The following SEL1L2 variants were observed in gnomAD, a reference collection of about 807,000 sequenced individuals.
SEL1L2 encodes SEL1L2 adaptor subunit of SYVN1 ubiquitin ligase.
Under a neutral mutation model 98.8 loss-of-function variants are expected in SEL1L2, and 89 were observed. That is an observed-to-expected ratio of 0.90 (90% CI 0.76 to 1.07). The LOEUF is 1.07. Among genes scored for constraint, SEL1L2 ranks in the 50% least tolerant of loss-of-function variants. The probability of loss-of-function intolerance (pLI) is 0.00; values close to 1 mark genes in which losing one functional copy is unlikely to be tolerated. For synonymous variants in SEL1L2, 262 were observed against 278.5 expected (o/e 0.94, Z 0.59); for missense variants, 788 against 812.0 (o/e 0.97, Z 0.36).
intron 2 of SEL1L2, among the ~76,000 whole-genome samples, chr20:13,955,535 A>G (rs1391130165): frequency 6.6e-6 from 1 of 152,188 alleles, no homozygotes; most frequent in African/African-American, 2.4e-5. Context: ...CCACGAGGGC[A>G]AGACCATAGA....
intron 10 of SEL1L2, 59 bp downstream of exon 10, chr20:13,885,288 C>T: frequency 9.0e-7 from 1 of 1,105,684 alleles, no homozygotes. Context: ...ACTTCCCTGC[C>T]AGCCTCCCTC....
chr20:13,908,379 C>A (rs6033853), intron 5 of SEL1L2, among the ~76,000 whole-genome samples: 4,248 of 152,200 alleles, frequency 0.028, 114 homozygotes, highest in African/African-American at 0.071. Flanking sequence ...CTGCTTCAGC[C>A]TCCCAAAATG....
chr20:13,878,359 A>AGT (rs11472920), intron 10 of SEL1L2, among the ~76,000 whole-genome samples: 5,141 of 149,898 alleles, frequency 0.034, 173 homozygotes, highest in South Asian at 0.18. Flanking sequence ...GCTGGAGTGC[A>AGT]GTGGCACGAT....
intron 2 of SEL1L2, among the ~76,000 whole-genome samples, chr20:13,943,028 C>A (rs1216118290): frequency 6.6e-6 from 1 of 151,094 alleles, no homozygotes; most frequent in African/African-American, 2.4e-5. Flanking sequence ...GATGTAATAA[C>A]CACCCCTAAG....
At chr20:13,886,195 A>T (rs2046946359) in intron 9 of SEL1L2, 93 bp downstream of exon 9, 2 of 852,516 alleles carry the variant, frequency 2.3e-6, no homozygotes, top group African/African-American at 3.5e-5. Flanking sequence ...CCTATTTAGG[A>T]TGGGGCATTG....
intron 1 of SEL1L2, among the ~76,000 whole-genome samples, chr20:13,973,072 C>T (rs1352949757): frequency 6.6e-6 from 1 of 152,044 alleles, no homozygotes; most frequent in Non-Finnish European, 1.5e-5. Flanking sequence ...GTATCACCTC[C>T]CTGTCTGTTT....
intron 5 of SEL1L2, among the ~76,000 whole-genome samples, chr20:13,904,712 C>T (rs1272003931): frequency 6.6e-6 from 1 of 152,102 alleles, no homozygotes; most frequent in African/African-American, 2.4e-5. Context: ...GCTAAATTGG[C>T]TCTTTTTAAG....
intron 10 of SEL1L2, among the ~76,000 whole-genome samples, chr20:13,883,062 C>T (rs1159008372): frequency 2.0e-5 from 3 of 151,990 alleles, no homozygotes; most frequent in Non-Finnish European, 2.9e-5. Context: ...CCTCGTGATC[C>T]GCCCGCCTCG....
intron 2 of SEL1L2, among the ~76,000 whole-genome samples, chr20:13,936,757 C>G (rs1240332349): frequency 6.6e-6 from 1 of 152,160 alleles, no homozygotes; most frequent in African/African-American, 2.4e-5. Context: ...AGCCCTTTTT[C>G]TATTGCAATT....
chr20:13,939,040 G>GTTTTTTTTTTTTTTTTTT (rs386365633), intron 2 of SEL1L2, among the ~76,000 whole-genome samples: 7 of 114,086 alleles, frequency 6.1e-5, no homozygotes, highest in African/African-American at 2.1e-4. Flanking sequence ...TGCTTGTTTT[G>GTTTTTTTTTTTTTTTTTT]TTTTTTTTTT....
chr20:13,923,871 AT>A (rs1165693687), intron 3 of SEL1L2, among the ~76,000 whole-genome samples: 1 of 152,112 alleles, frequency 6.6e-6, no homozygotes, highest in African/African-American at 2.4e-5. Context: ...ATTTTCAGTA[AT>A]TTTTTGTTTG....
intron 5 of SEL1L2, among the ~76,000 whole-genome samples, chr20:13,912,154 T>C (rs1187692628): frequency 2.6e-5 from 4 of 152,088 alleles, no homozygotes; most frequent in Admixed American, 6.6e-5. Context: ...ATTAGTAAGG[T>C]TGCCCCATCT....
chr20:13,943,055 C>T (rs1327812366), intron 2 of SEL1L2, among the ~76,000 whole-genome samples: 1 of 152,122 alleles, frequency 6.6e-6, no homozygotes, highest in Non-Finnish European at 1.5e-5. Context: ...GAATAATTAT[C>T]CCTTGTAGAG....
At chr20:13,917,106 T>C (rs1326374998) in intron 4 of SEL1L2, among the ~76,000 whole-genome samples, 1 of 152,096 alleles carries the variant, frequency 6.6e-6, no homozygotes, top group Non-Finnish European at 1.5e-5. Flanking sequence ...GCCCCTTCTT[T>C]GTGTGGGCTC....
chr20:13,895,730 T>C (rs1357765643), intron 5 of SEL1L2, among the ~76,000 whole-genome samples: 2 of 152,166 alleles, frequency 1.3e-5, no homozygotes, highest in Non-Finnish European at 2.9e-5. Context: ...AGCATAGTCA[T>C]GGAAGTCCTA....
At chr20:13,941,681 T>G (rs1326144901) in intron 2 of SEL1L2, among the ~76,000 whole-genome samples, 1 of 152,152 alleles carries the variant, frequency 6.6e-6, no homozygotes, top group Admixed American at 6.5e-5. Flanking sequence ...GGAATCAAAG[T>G]CTTCCCCCAA....
chr20:13,865,815 T>C (rs1366406166), intron 15 of SEL1L2, among the ~76,000 whole-genome samples: 1 of 133,680 alleles, frequency 7.5e-6, no homozygotes, highest in Non-Finnish European at 1.6e-5. Context: ...TAAGAATGTA[T>C]CGCTAGTGTG....
chr20:13,982,683 C>T (rs1379046119), intron 1 of SEL1L2, among the ~76,000 whole-genome samples: 1 of 151,788 alleles, frequency 6.6e-6, no homozygotes, highest in Non-Finnish European at 1.5e-5. Flanking sequence ...AGAGCCAGAA[C>T]TCCTGGCAAT....
chr20:13,860,546 T>C (rs1989945586), intron 17 of SEL1L2, among the ~76,000 whole-genome samples: 1 of 152,196 alleles, frequency 6.6e-6, no homozygotes, highest in Non-Finnish European at 1.5e-5. Context: ...TGGTTTCCCT[T>C]CTACTGCATG....
Sources: allele counts gnomAD v4.1 joint callset (sites outside exome capture counted in the v4.1 genomes callset), GRCh38; gene constraint gnomAD v4.1.1; transcripts MANE v1.5; gene names NCBI Gene and HGNC (gene_info 2026-07-23, HGNC 2026-07-21).